FLT1: variants seen among roughly 807,000 people sequenced by gnomAD.
The protein encoded by FLT1 is vascular endothelial growth factor receptor 1.
Under a neutral mutation model 156.3 loss-of-function variants are expected in FLT1, and 49 were observed. The ratio of observed to expected loss-of-function variants is 0.31; its 90% CI spans 0.25 to 0.40. The LOEUF (loss-of-function observed/expected upper bound fraction) is 0.40. FLT1 is among the 10% of genes least tolerant of loss of function. The pLI, the probability that FLT1 is intolerant of heterozygous loss-of-function variation, is 1.00. For missense variants in FLT1, 1,322 were observed against 1,637.2 expected, an observed-to-expected ratio of 0.81 and a Z score of 3.32; for synonymous variants, 594 against 583.8, an observed-to-expected ratio of 1.02 and a Z score of -0.25.
intron 14 of FLT1, among the ~76,000 whole-genome samples, chr13:28,365,665 A>G (rs1873265589): frequency 6.6e-6 from 1 of 152,136 alleles, no homozygotes; most frequent in South Asian, 2.1e-4. Context: ...ACTCACTTAT[A>G]AACATGATAC....
intron 20 of FLT1, among the ~76,000 whole-genome samples, chr13:28,325,291 C>A (rs1871630494): frequency 6.6e-6 from 1 of 152,184 alleles, no homozygotes. Flanking sequence ...TTGTACTGCC[C>A]TCAGCCCAAG....
chr13:28,353,514 A>G (rs777412583), intron 15 of FLT1, among the ~76,000 whole-genome samples: 18 of 151,730 alleles, frequency 1.2e-4, no homozygotes, highest in Non-Finnish European at 2.1e-4. Flanking sequence ...CAGAGCTTGT[A>G]ATGAGCCAAG....
intron 12 of FLT1, 117 bp from the exon 13 acceptor site, chr13:28,390,221 G>A (rs1326628078): frequency 7.2e-7 from 1 of 1,388,314 alleles, no homozygotes; most frequent in Non-Finnish European, 9.8e-7. Flanking sequence ...ACATTAAAAA[G>A]GATGAGTATT....
At position 28,345,464 on chromosome 13, in the gene FLT1, A is replaced by C; in HGVS notation, c.2336T>G (p.Phe779Cys). ...ATLFWLLLTL[F>C]IRKMKRSSSE... ...TCTTACCCTTTTCATTTTTCGGATAAAGAGGGTTAATAGGAGCCAGAAGAG... is the reference window on the plus strand; with the variant it reads ...TCTTACCCTTTTCATTTTTCGGATACAGAGGGTTAATAGGAGCCAGAAGAG... The change falls in exon 16 of 30, where the codon TTT (phenylalanine) becomes TGT (cysteine). Residue 779 changes from phenylalanine (F) to cysteine (C), a missense_variant. Phe to Cys is a radical substitution (Grantham distance 205). This residue lies in a region of FLT1 where 991 missense variants were observed against 1,254.8 expected (regional missense o/e 0.79). Transcript: ENST00000282397. 6.2e-7 allele frequency: 1 copy of C among 1,609,544 alleles called. No homozygotes were observed. The highest frequency in any genetic ancestry group is 2.2e-5 in the East Asian group (1 of 44,856).
chr13:28,405,990 C>G (rs1394732246), intron 10 of FLT1, 96 bp from the exon 11 acceptor site: 4 of 721,316 alleles, frequency 5.5e-6, no homozygotes, highest in Non-Finnish European at 9.9e-6. Flanking sequence ...CCTCAGATAA[C>G]AAAGTCACAA....
chr13:28,482,071 GA>G (rs1303813199), intron 1 of FLT1, among the ~76,000 whole-genome samples: 1 of 152,206 alleles, frequency 6.6e-6, no homozygotes, highest in Non-Finnish European at 1.5e-5. Context: ...AATAGGGCAT[GA>G]ATCTAGAATA....
intron 3 of FLT1, chr13:28,466,624 A>G: frequency 2.2e-6 from 1 of 460,246 alleles, no homozygotes; most frequent in Non-Finnish European, 3.9e-6. Context: ...TCACTTATTC[A>G]TCCAACTATG....
At chr13:28,305,915 G>A (rs78547573) in intron 29 of FLT1, among the ~76,000 whole-genome samples, 8,643 of 152,252 alleles carry the variant, frequency 0.057, 334 homozygotes, top group South Asian at 0.083. Flanking sequence ...AGCATTTGCT[G>A]ACTATCTAGC....
intron 11 of FLT1, among the ~76,000 whole-genome samples, chr13:28,405,159 C>T (rs1364458321): frequency 3.3e-5 from 5 of 152,090 alleles, no homozygotes; most frequent in Admixed American, 3.3e-4. Flanking sequence ...AGCTGACAGG[C>T]TTGTTAGCTA....
Position 28,321,553 on chromosome 13 carries a change from A to G in FLT1, c.3084T>C (p.Ile1028=), listed in dbSNP as rs141551151. The G allele has an allele frequency of 6.2e-7, 1 of 1,614,100 alleles. No individual in the cohort carries two copies. Among genetic ancestry groups the G allele is most frequent in the African/African-American group, 1.3e-5 (1 of 74,950 alleles). The change falls in exon 23 of 30, where the codon ATT becomes ATC. Residue 1028 remains isoleucine, a synonymous_variant. Coordinates refer to ENST00000282397, the MANE Select transcript of FLT1 (RefSeq NM_002019.4). ...TCACCACGTTGTTCTCAGATAAAAG[A>G]ATGTTTCTCGCTGCCAGGTCCCGAT... The part of the protein sequence containing the change: ...CIHRDLAARN[I]LLSENNVVKI...
chr13:28,484,812 T>G (rs1255834824), intron 1 of FLT1, among the ~76,000 whole-genome samples: 2 of 152,112 alleles, frequency 1.3e-5, no homozygotes, highest in African/African-American at 4.8e-5. Context: ...ATTCCAAGTT[T>G]ACTTACCACT....
At chr13:28,412,466 G>A (rs550261811) in intron 10 of FLT1, among the ~76,000 whole-genome samples, 1 of 149,146 alleles carries the variant, frequency 6.7e-6, no homozygotes, top group African/African-American at 2.5e-5. Flanking sequence ...GTGTTCCTCA[G>A]GCTGGAGTGC....
chr13:28,355,175 C>A (rs1388279351), intron 15 of FLT1, among the ~76,000 whole-genome samples: 1 of 152,168 alleles, frequency 6.6e-6, no homozygotes, highest in Admixed American at 6.5e-5. Flanking sequence ...CTGAGGTATA[C>A]GTGGACTCAA....
chr13:28,345,739 A>G (rs1281886456), intron 15 of FLT1, 188 bp from the exon 16 acceptor site: 1 of 596,652 alleles, frequency 1.7e-6, no homozygotes, highest in Non-Finnish European at 3.0e-6. Flanking sequence ...ATGAACTCAC[A>G]TAGAAAAGGC....
rs576891676 is a variant in FLT1, at chr13:28,382,174, G to A, written c.2116+2711C>T. The stretch of plus-strand genomic sequence containing the variant: ...ACAGTTATAAGTAATAAAGACTCAC[G>A]GAGGATCTGCCTCCTATTTGTGGGA... On this transcript the variant is annotated intron_variant, in intron 14 of 29. Transcript: ENST00000282397. Among the ~76,000 whole-genome samples, 6 of 152,268 alleles carry A rather than the reference G, an allele frequency of 3.9e-5. No homozygotes were observed. In the South Asian group the frequency reaches 6.2e-4, roughly 16 times the overall value.
intron 17 of FLT1, among the ~76,000 whole-genome samples, chr13:28,336,478 T>A (rs1872118769): frequency 6.6e-6 from 1 of 152,162 alleles, no homozygotes; most frequent in African/African-American, 2.4e-5. Flanking sequence ...GTGTGCTAGG[T>A]CATTGCCATA....
At chr13:28,451,728 G>A (rs1878952974) in intron 3 of FLT1, among the ~76,000 whole-genome samples, 1 of 152,204 alleles carries the variant, frequency 6.6e-6, no homozygotes. Context: ...GCGCCACCAC[G>A]GGACTCTCTA....
intron 12 of FLT1, among the ~76,000 whole-genome samples, chr13:28,395,005 A>G (rs1003131163): frequency 3.9e-5 from 6 of 152,126 alleles, no homozygotes; most frequent in Non-Finnish European, 8.8e-5. Context: ...CACATGGTGC[A>G]TGGCCCCTTG....
chr13:28,447,754 A>G (rs886676235), intron 3 of FLT1, among the ~76,000 whole-genome samples: 13 of 151,624 alleles, frequency 8.6e-5, no homozygotes, highest in Non-Finnish European at 1.8e-4. Context: ...TGCCTCAAAT[A>G]TATTTTTAAA....
Sources: gnomAD v4.1 joint callset for allele counts (sites outside exome capture counted in the v4.1 genomes callset) on GRCh38, gnomAD v4.1.1 for gene constraint, gnomAD v4.1.1 regional missense constraint, MANE v1.5 for transcripts, NCBI Gene and HGNC (gene_info 2026-07-23, HGNC 2026-07-21) for gene names.